DHX15: variants seen among roughly 807,000 people sequenced by gnomAD.
The protein encoded by DHX15 is ATP-dependent RNA helicase DHX15.
In DHX15, 11 loss-of-function variants were observed where a neutral mutation model predicts 94.4. The ratio of observed to expected loss-of-function variants is 0.12; its 90% CI spans 0.07 to 0.19. The LOEUF (loss-of-function observed/expected upper bound fraction) is 0.19. DHX15 is among the 10% of genes least tolerant of loss of function. DHX15 has a pLI of 1.00. For synonymous variants in DHX15, 338 were observed against 329.9 expected (o/e 1.02, Z -0.27); for missense variants, 304 against 988.5 (o/e 0.31, Z 9.29).
intron 6 of DHX15, among the ~76,000 whole-genome samples, chr4:24,547,887 C>A (rs368240287): frequency 0.031 from 331 of 10,746 alleles, 12 homozygotes; most frequent in Middle Eastern, 0.17. Flanking sequence ...CTCTCTCTCT[C>A]TCTATGTATG....
rs1720992181 is a variant in DHX15, at chr4:24,527,783, G to C, written c.*141C>G. 3.4e-6 allele frequency: 2 copies of C among 581,340 alleles called. No individual in the cohort carries two copies. Among genetic ancestry groups the C allele is most frequent in the South Asian group, 5.0e-5 (2 of 39,928 alleles). 36.0% of individuals were successfully genotyped at this position (581,340 alleles called of 1,614,324 possible). A position where few individuals can be genotyped will look rare whatever the true frequency, so the allele number is the denominator to read the frequency against. ...ATGTTTAATTTATGAAATCAGAATG[G>C]AATATTTACTGTAAAGAAAAATTAA... is the stretch of plus-strand genomic sequence containing the variant. On this transcript the variant is annotated 3_prime_UTR_variant, in exon 14 of 14. Coordinates refer to ENST00000336812, the MANE Select transcript of DHX15 (RefSeq NM_001358.3).
chr4:24,536,458 A>G (rs900312310), intron 11 of DHX15, among the ~76,000 whole-genome samples: 6 of 152,206 alleles, frequency 3.9e-5, no homozygotes, highest in African/African-American at 1.4e-4. Context: ...CCCCACTCCC[A>G]TACAGCTAAG....
rs1332212790 is a variant in DHX15, at chr4:24,554,844, T to C, written c.961A>G (p.Ile321Val). 1 of 1,613,648 alleles carries C rather than the reference T, an allele frequency of 6.2e-7. No individual in the cohort carries two copies. Among genetic ancestry groups the C allele is most frequent in the East Asian group, 2.2e-5 (1 of 44,786 alleles). Residue 321 changes from isoleucine to valine, a missense_variant, in exon 5 of 14, where the codon ATC becomes GTC. This residue lies in a region of DHX15 where 29 missense variants were observed against 181.6 expected (regional missense o/e 0.16). Transcript: ENST00000336812. ...CTCTCTGGTTCTGGAGTATAGAAGATCTCAACAGGATGTGTACGCCCAGGA... is the reference window on the plus strand; with the variant it reads ...CTCTCTGGTTCTGGAGTATAGAAGACCTCAACAGGATGTGTACGCCCAGGA... Reference protein sequence around the residue: ...TIPGRTHPVEIFYTPEPERDY... With the variant: ...TIPGRTHPVEVFYTPEPERDY...
At chr4:24,566,590 C>T (rs1245819082) in intron 3 of DHX15, among the ~76,000 whole-genome samples, 1 of 152,114 alleles carries the variant, frequency 6.6e-6, no homozygotes, top group Non-Finnish European at 1.5e-5. Flanking sequence ...CTTTGGGAGG[C>T]TGAGGTGGGT....
intron 8 of DHX15, among the ~76,000 whole-genome samples, chr4:24,541,378 AT>A (rs1721306728): frequency 6.6e-6 from 1 of 152,178 alleles, no homozygotes; most frequent in Non-Finnish European, 1.5e-5. Context: ...CTTTTGCAGT[AT>A]CACAGTGCTT....
At chr4:24,550,094 CAAAAAAAAAAAAAAA>C (rs58459661) in intron 5 of DHX15, among the ~76,000 whole-genome samples, 13 of 49,736 alleles carry the variant, frequency 2.6e-4, no homozygotes, top group Admixed American at 6.6e-4. Flanking sequence ...AACTCCGTCT[CAAAAAAAAAAAAAAA>C]AAAAAAAAAA....
chr4:24,582,349 T>C (rs1259411097), intron 1 of DHX15, among the ~76,000 whole-genome samples: 1 of 152,214 alleles, frequency 6.6e-6, no homozygotes, highest in Non-Finnish European at 1.5e-5. Context: ...ACTCCAAAAG[T>C]CAACCTTTTT....
chr4:24,558,374 G>A (rs1018868035), intron 3 of DHX15, among the ~76,000 whole-genome samples: 5 of 152,118 alleles, frequency 3.3e-5, no homozygotes, highest in Non-Finnish European at 7.4e-5. Flanking sequence ...AGTTTTAAAA[G>A]TCACCTTCTT....
intron 7 of DHX15, 44 bp downstream of exon 7, chr4:24,542,896 T>C (rs1337232776): frequency 2.1e-6 from 3 of 1,419,678 alleles, no homozygotes; most frequent in Non-Finnish European, 3.0e-6. Flanking sequence ...TTGTAAGTAC[T>C]GTTAAACCAA....
At chr4:24,549,108 T>C in intron 5 of DHX15, 86 bp from the exon 6 acceptor site, 1 of 1,128,644 alleles carries the variant, frequency 8.9e-7, no homozygotes, top group East Asian at 2.6e-5. Context: ...GTCTGTTTTA[T>C]GTATGCCATC....
chr4:24,568,712 A>C (rs1722049466), intron 3 of DHX15, among the ~76,000 whole-genome samples: 1 of 152,238 alleles, frequency 6.6e-6, no homozygotes, highest in Admixed American at 6.5e-5. Flanking sequence ...ATGCAATGTG[A>C]ATCAAGTCAG....
intron 10 of DHX15, chr4:24,538,771 T>C (rs543247937): frequency 2.0e-5 from 3 of 152,104 alleles, no homozygotes; most frequent in South Asian, 2.1e-4. Flanking sequence ...TGAGATGTAG[T>C]TGGAAGATTA....
At chr4:24,560,358 C>G (rs543637373) in intron 3 of DHX15, among the ~76,000 whole-genome samples, 2 of 151,956 alleles carry the variant, frequency 1.3e-5, no homozygotes, top group Admixed American at 6.6e-5. Context: ...CAGTAAAATT[C>G]CAGCTTGGTT....
intron 12 of DHX15, 24 bp from the exon 13 acceptor site, chr4:24,529,794 A>G: frequency 6.2e-7 from 1 of 1,611,902 alleles, no homozygotes; most frequent in Non-Finnish European, 8.5e-7. Context: ...CCAGTATATT[A>G]TTAATACAAT....
chr4:24,549,362 A>G (rs1443587194), intron 5 of DHX15, among the ~76,000 whole-genome samples: 1 of 152,212 alleles, frequency 6.6e-6, no homozygotes, highest in African/African-American at 2.4e-5. Context: ...CGACCTTTTC[A>G]ATTTTCACAA....
At chr4:24,544,135 CAT>C (rs1368132957) in intron 6 of DHX15, among the ~76,000 whole-genome samples, 3 of 152,066 alleles carry the variant, frequency 2.0e-5, no homozygotes, top group South Asian at 2.1e-4. Flanking sequence ...TAAAAAAACA[CAT>C]GTGGGAGAAA....
chr4:24,569,030 G>A (rs772754361), intron 3 of DHX15, among the ~76,000 whole-genome samples: 1 of 152,120 alleles, frequency 6.6e-6, no homozygotes, highest in East Asian at 1.9e-4. Context: ...CTAATAAAAT[G>A]AGATAAATCA....
At chr4:24,546,060 G>A (rs746563168) in intron 6 of DHX15, among the ~76,000 whole-genome samples, 5 of 151,686 alleles carry the variant, frequency 3.3e-5, no homozygotes, top group Non-Finnish European at 4.4e-5. Flanking sequence ...AGTAGAACTC[G>A]CAGTACTTCA....
intron 3 of DHX15, among the ~76,000 whole-genome samples, chr4:24,562,712 T>C (rs980244403): frequency 1.4e-4 from 22 of 152,274 alleles, no homozygotes; most frequent in African/African-American, 4.8e-4. Flanking sequence ...CCTGTCTCCA[T>C]CAGTTGGGTC....
Sources: gnomAD v4.1 joint callset for allele counts (sites outside exome capture counted in the v4.1 genomes callset) on GRCh38, gnomAD v4.1.1 for gene constraint, gnomAD v4.1.1 regional missense constraint, MANE v1.5 for transcripts, NCBI Gene and HGNC (gene_info 2026-07-23, HGNC 2026-07-21) for gene names.